Variants in UNC5C observed in about 807,000 individuals in gnomAD.
UNC5C encodes netrin receptor UNC5C.
In UNC5C, 47 loss-of-function variants were observed where a neutral mutation model predicts 99.8. The ratio of observed to expected loss-of-function variants is 0.47; its 90% CI spans 0.37 to 0.60. The LOEUF (loss-of-function observed/expected upper bound fraction) is 0.60. Among genes scored for constraint, UNC5C ranks in the 20% least tolerant of loss-of-function variants. The pLI is 0.00. For synonymous variants in UNC5C, 487 were observed against 452.2 expected (o/e 1.08, Z -0.98); for missense variants, 1,062 against 1,165.9 (o/e 0.91, Z 1.30).
intron 4 of UNC5C, among the ~76,000 whole-genome samples, chr4:95,259,052 C>T (rs1299287020): frequency 1.3e-5 from 2 of 151,934 alleles, no homozygotes; most frequent in Non-Finnish European, 2.9e-5. Context: ...TGAGCCACCG[C>T]GCCCGGCCTC....
At chr4:95,312,636 A>G (rs1031445133) in intron 2 of UNC5C, among the ~76,000 whole-genome samples, 1 of 152,180 alleles carries the variant, frequency 6.6e-6, no homozygotes, top group Non-Finnish European at 1.5e-5. Flanking sequence ...TTATATCCAC[A>G]TGTGTCTGAA....
Position 95,352,668 on chromosome 4 carries a change from G to A in UNC5C, c.125-17037C>T, listed in dbSNP as rs187050621. Reference sequence around the variant, plus strand: ...GCTCCCCAATCCAGACTACAAGATCGTTCAAAAGCTTGGAATTCCTTCTCC... The same window carrying A: ...GCTCCCCAATCCAGACTACAAGATCATTCAAAAGCTTGGAATTCCTTCTCC... On this transcript the variant is annotated intron_variant, in intron 1 of 15. Coordinates refer to ENST00000453304, the MANE Select transcript of UNC5C (RefSeq NM_003728.4). 1.7e-4 allele frequency among the ~76,000 whole-genome samples: 26 copies of A among 152,202 alleles called. No individual in the cohort carries two copies. The East Asian group carries it at 3.1e-3, about 18-fold the overall frequency.
At chr4:95,528,377 C>A (rs1722550600) in intron 1 of UNC5C, among the ~76,000 whole-genome samples, 1 of 152,164 alleles carries the variant, frequency 6.6e-6, no homozygotes, top group Non-Finnish European at 1.5e-5. Context: ...TCCCTCCCTT[C>A]ATACGGCCTT....
chr4:95,387,200 G>A (rs1679629953), intron 1 of UNC5C, among the ~76,000 whole-genome samples: 1 of 151,948 alleles, frequency 6.6e-6, no homozygotes, highest in African/African-American at 2.4e-5. Context: ...GTACAGTGGT[G>A]TGGTCACAGC....
At chr4:95,301,493 C>T in intron 3 of UNC5C, 113 bp downstream of exon 3, 3 of 1,481,204 alleles carry the variant, frequency 2.0e-6, no homozygotes, top group East Asian at 2.3e-5. Flanking sequence ...CCGCGCCTGG[C>T]CTTTCCAGGA....
At chr4:95,445,818 C>T (rs1318520749) in intron 1 of UNC5C, among the ~76,000 whole-genome samples, 1 of 152,186 alleles carries the variant, frequency 6.6e-6, no homozygotes, top group Non-Finnish European at 1.5e-5. Context: ...AGTAAGTCTT[C>T]AGCTGCTCAG....
intron 1 of UNC5C, among the ~76,000 whole-genome samples, chr4:95,503,781 C>A (rs1452094742): frequency 1.3e-5 from 2 of 151,980 alleles, no homozygotes; most frequent in African/African-American, 4.8e-5. Context: ...AATAGCATGG[C>A]CCCTCATCAC....
At chr4:95,227,955 G>C (rs535896205) in intron 7 of UNC5C, among the ~76,000 whole-genome samples, 2 of 152,098 alleles carry the variant, frequency 1.3e-5, no homozygotes, top group African/African-American at 2.4e-5. Flanking sequence ...TTAGACTAGA[G>C]GTGAGGTTGC....
intron 2 of UNC5C, among the ~76,000 whole-genome samples, chr4:95,319,956 T>C (rs1354384304): frequency 6.6e-6 from 1 of 152,174 alleles, no homozygotes; most frequent in African/African-American, 2.4e-5. Context: ...TTTACTTATA[T>C]TTAGCACAAT....
In UNC5C at chr4:95,219,241, T is replaced by C. The variant is rs1303560244; in HGVS notation, c.1373A>G (p.Asp458Gly). Residue 458 changes from aspartate (D) to glycine (G), a missense_variant, in exon 9 of 16, where the codon GAC (aspartate) becomes GGC (glycine). By Grantham distance (94) the Asp-to-Gly change is moderately conservative. Transcript: ENST00000453304. ...MYRGPVYALHDVSDKIPMTNS... is the reference protein window; with the variant it reads ...MYRGPVYALHGVSDKIPMTNS... ...GGTCATTGGGATTTTGTCTGAGACG[T>C]CATGCAGGGCATAGACAGGTCCTCT... is the stretch of plus-strand genomic sequence containing the variant. 3.7e-6 allele frequency: 6 copies of C among 1,614,064 alleles called. No individual in the cohort carries two copies. Among genetic ancestry groups the C allele is most frequent in the Admixed American group, 1.7e-5 (1 of 60,002 alleles).
At chr4:95,540,011 G>T (rs1478559482) in intron 1 of UNC5C, among the ~76,000 whole-genome samples, 2 of 150,776 alleles carry the variant, frequency 1.3e-5, no homozygotes, top group Non-Finnish European at 2.9e-5. Context: ...TTATATATGT[G>T]TGTATAAATA....
At chr4:95,216,232 G>A (rs778716621) in intron 9 of UNC5C, 21 bp from the exon 10 acceptor site, 51 of 1,600,470 alleles carry the variant, frequency 3.2e-5, no homozygotes, top group Admixed American at 1.7e-4. Context: ...AAAGAGAAAA[G>A]CAGTCATTTA....
chr4:95,206,126 G>A (rs961610672), intron 11 of UNC5C, among the ~76,000 whole-genome samples: 3 of 150,886 alleles, frequency 2.0e-5, no homozygotes, highest in East Asian at 3.9e-4. Context: ...TCAGCCTCCC[G>A]AGTACCTGGG....
chr4:95,177,414 C>T (rs575869715), intron 14 of UNC5C, among the ~76,000 whole-genome samples: 1 of 152,156 alleles, frequency 6.6e-6, no homozygotes, highest in African/African-American at 2.4e-5. Flanking sequence ...AGAGCGCCCC[C>T]CATATGCTGC....
chr4:95,265,844 A>C (rs1740426627), intron 4 of UNC5C, among the ~76,000 whole-genome samples: 3 of 152,094 alleles, frequency 2.0e-5, no homozygotes, highest in African/African-American at 4.8e-5. Context: ...CATAATCTTC[A>C]CCTGTACAAA....
At chr4:95,354,479 A>T (rs867656136) in intron 1 of UNC5C, among the ~76,000 whole-genome samples, 16 of 110,350 alleles carry the variant, frequency 1.4e-4, no homozygotes, top group Non-Finnish European at 2.2e-4. Context: ...ATATATATAT[A>T]TTTTTTTTTT....
At chr4:95,327,193 C>T (rs1742920013) in intron 2 of UNC5C, among the ~76,000 whole-genome samples, 2 of 152,092 alleles carry the variant, frequency 1.3e-5, no homozygotes, top group African/African-American at 4.8e-5. Flanking sequence ...CCCCCAACCT[C>T]CACCCCTAAA....
At chr4:95,382,408 G>A (rs1745097725) in intron 1 of UNC5C, among the ~76,000 whole-genome samples, 1 of 150,960 alleles carries the variant, frequency 6.6e-6, no homozygotes. Flanking sequence ...GCAGTGAGCT[G>A]AGACTGTACC....
intron 1 of UNC5C, among the ~76,000 whole-genome samples, chr4:95,423,375 A>G (rs901246730): frequency 6.6e-6 from 1 of 152,224 alleles, no homozygotes; most frequent in African/African-American, 2.4e-5. Flanking sequence ...AGGAGAAAGT[A>G]AGTTGCCTGC....
Sources: gnomAD v4.1 joint callset for allele counts (sites outside exome capture counted in the v4.1 genomes callset) on GRCh38, gnomAD v4.1.1 for gene constraint, MANE v1.5 for transcripts, NCBI Gene and HGNC (gene_info 2026-07-23, HGNC 2026-07-21) for gene names.